ZNF385D: variants seen among roughly 807,000 people sequenced by gnomAD.
The protein encoded by ZNF385D is zinc finger protein 385D, also known as zinc finger protein 659.
ZNF385D carries 15 observed loss-of-function variants against 35.8 expected under a neutral mutation model. That is an observed-to-expected ratio of 0.42 (90% CI 0.28 to 0.64). ZNF385D has a LOEUF of 0.64. ZNF385D is among the 30% of genes least tolerant of loss of function. ZNF385D has a pLI of 0.23. For missense variants in ZNF385D, 474 were observed against 494.6 expected, an observed-to-expected ratio of 0.96 and a Z score of 0.39; for synonymous variants, 212 against 186.8, an observed-to-expected ratio of 1.13 and a Z score of -1.10.
chr3:22,345,322 T>C (rs1695609369), intron 2 of ZNF385D, among the ~76,000 whole-genome samples: 1 of 152,224 alleles, frequency 6.6e-6, no homozygotes, highest in African/African-American at 2.4e-5. Flanking sequence ...TCAATATCTT[T>C]GTTTGACACT....
At chr3:21,503,692 C>T (rs1438080581) in intron 4 of ZNF385D, among the ~76,000 whole-genome samples, 1 of 152,142 alleles carries the variant, frequency 6.6e-6, no homozygotes. Context: ...GACTGACCTT[C>T]CTATGAGTCT....
At chr3:21,464,743 AAC>A (rs6147726) in intron 4 of ZNF385D, among the ~76,000 whole-genome samples, 11 of 150,316 alleles carry the variant, frequency 7.3e-5, no homozygotes, top group Admixed American at 3.3e-4. Flanking sequence ...AATAAATTAA[AAC>A]ACACACACAC....
At chr3:22,131,949 T>C (rs1034740182) in intron 3 of ZNF385D, among the ~76,000 whole-genome samples, 6 of 152,170 alleles carry the variant, frequency 3.9e-5, no homozygotes, top group African/African-American at 1.4e-4. Flanking sequence ...CAAGCCAGTA[T>C]GGAAGTCTGA....
chr3:22,148,281 G>C (rs548739788), intron 3 of ZNF385D, among the ~76,000 whole-genome samples: 11 of 152,274 alleles, frequency 7.2e-5, no homozygotes, highest in Non-Finnish European at 1.5e-5. Context: ...AGCAGTAAAA[G>C]TCTTATACTT....
intron 3 of ZNF385D, among the ~76,000 whole-genome samples, chr3:21,985,164 C>T: frequency 1.1e-5 from 1 of 93,422 alleles, no homozygotes; most frequent in African/African-American, 4.3e-5. Flanking sequence ...TTATTTCCTT[C>T]TCCTGCCTGA....
At chr3:22,358,189 A>C (rs1033489184) in intron 2 of ZNF385D, among the ~76,000 whole-genome samples, 8 of 151,940 alleles carry the variant, frequency 5.3e-5, no homozygotes, top group Non-Finnish European at 1.2e-4. Context: ...TTCACTTGTA[A>C]TAACTGAAAA....
chr3:22,368,597 T>C (rs535647304), intron 2 of ZNF385D, among the ~76,000 whole-genome samples: 35 of 152,292 alleles, frequency 2.3e-4, no homozygotes, highest in Middle Eastern at 6.8e-3. Context: ...ATTCAATGAC[T>C]GCGGTGGGCC....
At chr3:22,221,136 T>C (rs1698231133) in intron 2 of ZNF385D, among the ~76,000 whole-genome samples, 1 of 152,128 alleles carries the variant, frequency 6.6e-6, no homozygotes, top group African/African-American at 2.4e-5. Context: ...TGTGTGTTTG[T>C]GTATCTATTT....
intron 3 of ZNF385D, among the ~76,000 whole-genome samples, chr3:22,065,204 C>T (rs949986254): frequency 3.3e-5 from 5 of 152,130 alleles, no homozygotes; most frequent in Non-Finnish European, 5.9e-5. Flanking sequence ...TGTGGCTATT[C>T]TCTTGCTCTC....
intron 3 of ZNF385D, among the ~76,000 whole-genome samples, chr3:21,935,713 C>G (rs1341699529): frequency 7.0e-6 from 1 of 143,882 alleles, no homozygotes; most frequent in Non-Finnish European, 1.5e-5. Flanking sequence ...TCCCTAAAAT[C>G]TCATCCCAAG....
At chr3:21,730,092 C>G (rs2068927234) in intron 1 of ZNF385D, among the ~76,000 whole-genome samples, 1 of 152,182 alleles carries the variant, frequency 6.6e-6, no homozygotes. Context: ...TTAAGAACAA[C>G]CTCCCGAAGA....
At chr3:21,820,297 T>C (rs1479061455) in intron 3 of ZNF385D, among the ~76,000 whole-genome samples, 3 of 150,952 alleles carry the variant, frequency 2.0e-5, no homozygotes, top group Admixed American at 6.6e-5. Flanking sequence ...CAATTAAAAA[T>C]AAATGGAGAT....
In ZNF385D at chr3:21,697,957, G is replaced by A. The variant is rs145232108; in HGVS notation, c.23-32929C>T. On this transcript the variant is annotated intron_variant, in intron 1 of 7. Coordinates refer to ENST00000281523, the MANE Select transcript of ZNF385D (RefSeq NM_024697.3). ...AAAAAGCAAAAAACCAACAGATATC[G>A]TCATGGATATGGAAAAAATGGAAAA... Among the ~76,000 whole-genome samples the A allele has an allele frequency of 5.8e-3, 884 of 152,194 alleles. 28 individuals carry two copies. Among genetic ancestry groups the A allele is most frequent in the Admixed American group, 0.051 (774 of 15,266 alleles).
intron 4 of ZNF385D, among the ~76,000 whole-genome samples, chr3:21,493,897 T>C (rs1282171221): frequency 6.6e-6 from 1 of 152,184 alleles, no homozygotes; most frequent in Non-Finnish European, 1.5e-5. Flanking sequence ...TCAATGTAGG[T>C]AATCTTGTAT....
chr3:22,183,274 A>T (rs1013132749), intron 2 of ZNF385D, among the ~76,000 whole-genome samples: 1 of 152,138 alleles, frequency 6.6e-6, no homozygotes. Context: ...TTATCTTAAA[A>T]ATTATCTTAA....
At chr3:21,837,870 CAAAA>C (rs57424579) in intron 3 of ZNF385D, among the ~76,000 whole-genome samples, 38 of 138,942 alleles carry the variant, frequency 2.7e-4, no homozygotes, top group South Asian at 4.7e-4. Context: ...GACTCCATCT[CAAAA>C]AAAAAAAAAA....
intron 3 of ZNF385D, among the ~76,000 whole-genome samples, chr3:22,124,137 C>T (rs1173687073): frequency 1.3e-5 from 2 of 151,912 alleles, no homozygotes; most frequent in South Asian, 2.1e-4. Flanking sequence ...TCTATCTCCC[C>T]GAGTTCAACT....
chr3:21,594,551 C>T (rs1258347256), intron 2 of ZNF385D, among the ~76,000 whole-genome samples: 15 of 152,066 alleles, frequency 9.9e-5, no homozygotes, highest in Non-Finnish European at 1.9e-4. Flanking sequence ...GAAAGGTGCA[C>T]AGATATTGTA....
At chr3:22,208,518 A>G (rs1697304551) in intron 2 of ZNF385D, among the ~76,000 whole-genome samples, 1 of 151,720 alleles carries the variant, frequency 6.6e-6, no homozygotes. Context: ...AAAAAAATGA[A>G]TGTCTACAGT....
Sources: allele counts gnomAD v4.1 joint callset (sites outside exome capture counted in the v4.1 genomes callset), GRCh38; gene constraint gnomAD v4.1.1; transcripts MANE v1.5; gene names NCBI Gene and HGNC (gene_info 2026-07-23, HGNC 2026-07-21).